ZFP91: variants seen among roughly 807,000 people sequenced by gnomAD.
The protein encoded by ZFP91 is ZFP91 zinc finger protein, atypical E3 ubiquitin ligase.
A neutral mutation model predicts 63.5 loss-of-function variants in ZFP91; 7 were observed. That is an observed-to-expected ratio of 0.11 (90% CI 0.06 to 0.21). The LOEUF (loss-of-function observed/expected upper bound fraction) is 0.21. Ranked by LOEUF, ZFP91 falls within the 10% of genes least tolerant of loss-of-function variation. The pLI, the probability that ZFP91 is intolerant of heterozygous loss-of-function variation, is 1.00. For synonymous variants in ZFP91, 330 were observed against 272.1 expected (o/e 1.21, Z -2.10); for missense variants, 628 against 736.6 (o/e 0.85, Z 1.71).
Position 58,614,350 on chromosome 11 carries a change from T to C in ZFP91, c.1102+7T>C. 6.3e-7 allele frequency: 1 copy of C among 1,592,836 alleles called. No individual in the cohort carries two copies. The highest frequency in any genetic ancestry group is 8.6e-7 in the Non-Finnish European group (1 of 1,166,168). On this transcript the variant is annotated splice_region_variant and intron_variant, in intron 9 of 10. Transcript: ENST00000316059. ...CATGCCAAACATCATACAGGTACTT[T>C]TAAAATGTGTTTATCAAGTAGGTAA...
At chr11:58,610,214 A>C (rs553432964) in intron 3 of ZFP91, 84 bp from the exon 4 acceptor site, 1 of 1,490,070 alleles carries the variant, frequency 6.7e-7, no homozygotes, top group South Asian at 1.2e-5. Context: ...CCATGCAGTA[A>C]TTTGATTTGC....
intron 2 of ZFP91, among the ~76,000 whole-genome samples, chr11:58,590,576 A>C (rs948688208): frequency 3.9e-5 from 6 of 152,224 alleles, no homozygotes; most frequent in African/African-American, 1.4e-4. Context: ...CGAAGTCATA[A>C]AATCAAAATA....
At chr11:58,587,776 G>A (rs937082787) in intron 2 of ZFP91, among the ~76,000 whole-genome samples, 4 of 152,034 alleles carry the variant, frequency 2.6e-5, no homozygotes, top group Non-Finnish European at 5.9e-5. Context: ...ATGTTATGAA[G>A]CCTAATTTTT....
chr11:58,597,394 A>G (rs1017662958), intron 2 of ZFP91, among the ~76,000 whole-genome samples: 1 of 152,144 alleles, frequency 6.6e-6, no homozygotes, highest in Non-Finnish European at 1.5e-5. Context: ...AGTTGCATTA[A>G]AAACTTAGGC....
intron 2 of ZFP91, among the ~76,000 whole-genome samples, chr11:58,603,057 T>A (rs986405913): frequency 7.2e-5 from 11 of 152,180 alleles, no homozygotes; most frequent in African/African-American, 2.4e-4. Flanking sequence ...AAAGGCAGTC[T>A]GATGAGGCCT....
chr11:58,579,773 C>G, intron 1 of ZFP91, 151 bp downstream of exon 1: 2 of 716,750 alleles, frequency 2.8e-6, no homozygotes, highest in Non-Finnish European at 4.2e-6. Flanking sequence ...TCCCCGGGAG[C>G]CTTCGTGCCT....
intron 2 of ZFP91, among the ~76,000 whole-genome samples, chr11:58,585,432 AG>A (rs1855190094): frequency 6.6e-6 from 1 of 152,198 alleles, no homozygotes; most frequent in African/African-American, 2.4e-5. Flanking sequence ...TTTGCAGATT[AG>A]GTTATTAAAA....
rs370355285 is a variant in ZFP91, at chr11:58,618,954, CT to C, written c.*1257del. The C allele has an allele frequency of 6.7e-4, 153 of 229,258 alleles. No individual in the cohort carries two copies. The highest frequency in any genetic ancestry group is 1.6e-3 in the South Asian group (33 of 20,022). 14.2% of individuals were successfully genotyped at this position (229,258 alleles called of 1,614,324 possible). ...GTTTCTTGTGAATTTGTTTCTTTTC[CT>C]TTTTTTTTGTCCCTACCATTTCCTT... On this transcript the variant is annotated 3_prime_UTR_variant, in exon 11 of 11. Coordinates refer to ENST00000316059, the MANE Select transcript of ZFP91 (RefSeq NM_053023.5).
At chr11:58,589,964 C>CAATA (rs1855276924) in intron 2 of ZFP91, among the ~76,000 whole-genome samples, 1 of 152,146 alleles carries the variant, frequency 6.6e-6, no homozygotes, top group Admixed American at 6.5e-5. Flanking sequence ...TTGCCTATTA[C>CAATA]AGCTCAACTT....
At position 58,584,031 on chromosome 11, in the gene ZFP91, T is replaced by A. The variant is rs772123151; in HGVS notation, c.342-825T>A. ...AGTAGTAAGTATAGGAAGTTCATTA[T>A]ACTGTCCTCACCAGTTACGTATGAG... On this transcript the variant is annotated intron_variant, in intron 1 of 10. Transcript: ENST00000316059. Among the ~76,000 whole-genome samples the A allele has an allele frequency of 4.6e-5, 7 of 152,068 alleles. No individual in the cohort carries two copies. In the East Asian group the frequency reaches 5.8e-4, roughly 13 times the overall value.
Position 58,612,925 on chromosome 11 carries a change from T to C in ZFP91, c.987+85T>C. The C allele has an allele frequency of 8.2e-6, 10 of 1,219,808 alleles. No individual in the cohort carries two copies. In the South Asian group the frequency reaches 1.3e-4, roughly 16 times the overall value. The allele number at this position is 1,219,808 out of a possible 1,614,324, so 75.6% of individuals were successfully genotyped here. On this transcript the variant is annotated intron_variant, in intron 8 of 10. Transcript: ENST00000316059. ...CACGAGACTTTAATTTGTTGGCTTGTGTAGGCTTTATCATTGACATGTAAT... is the reference window on the plus strand; with the variant it reads ...CACGAGACTTTAATTTGTTGGCTTGCGTAGGCTTTATCATTGACATGTAAT...
Position 58,594,849 on chromosome 11 carries a change from T to G in ZFP91, c.370+9965T>G, listed in dbSNP as rs566419714. ...TCCGGTTTTTAATCACAATAAAATT[T>G]CTCTAGTTCTGTTTTGAAACATAAG... is the stretch of plus-strand genomic sequence containing the variant. On this transcript the variant is annotated intron_variant, in intron 2 of 10. Coordinates refer to ENST00000316059, the MANE Select transcript of ZFP91 (RefSeq NM_053023.5). Among the ~76,000 whole-genome samples the G allele has an allele frequency of 2.6e-5, 4 of 152,340 alleles. No individual in the cohort carries two copies. The South Asian group carries it at 8.3e-4, about 32-fold the overall frequency.
rs775298121 is a variant in ZFP91 at position 58,616,785 on chromosome 11, G to A, written c.1172G>A (p.Arg391Gln). Residue 391 changes from arginine (R) to glutamine (Q), a missense_variant, in exon 10 of 11, where the codon CGG becomes CAG. Transcript: ENST00000316059. ...FKSSHNLAVH[R>Q]MIHTGEKPLQ... The stretch of plus-strand genomic sequence containing the variant: ...AGTTCCCACAATCTGGCAGTGCACC[G>A]GATGATTCACACTGGCGAGAAGCCA... The A allele has an allele frequency of 5.6e-6, 9 of 1,613,616 alleles. No homozygotes were observed. Among genetic ancestry groups the A allele is most frequent in the Non-Finnish European group, 6.8e-6 (8 of 1,179,808 alleles).
Position 58,579,730 on chromosome 11 carries a change from C to CA in ZFP91, c.341+108_341+109insA, listed in dbSNP as rs1316041227. On this transcript the variant is annotated intron_variant, in intron 1 of 10. Coordinates refer to ENST00000316059, the MANE Select transcript of ZFP91 (RefSeq NM_053023.5). ...CGTGACATCCTGCCTGGTCTGCCCC[C>CA]TGCCGGCTCCGCACGCCAGATGTCA... The CA allele has an allele frequency of 2.7e-6, 3 of 1,101,546 alleles. No individual in the cohort carries two copies. The East Asian group carries it at 9.4e-5, about 35-fold the overall frequency. The allele number at this position is 1,101,546 out of a possible 1,614,324, so 68.2% of individuals were successfully genotyped here.
intron 2 of ZFP91, among the ~76,000 whole-genome samples, chr11:58,587,858 T>C (rs1034028452): frequency 1.3e-5 from 2 of 152,122 alleles, no homozygotes; most frequent in African/African-American, 4.8e-5. Flanking sequence ...AACATAAAAA[T>C]GGAGACCAGA....
At chr11:58,593,385 C>G (rs567720061) in intron 2 of ZFP91, among the ~76,000 whole-genome samples, 230 of 152,274 alleles carry the variant, frequency 1.5e-3, no homozygotes, top group African/African-American at 4.7e-3. Context: ...TCTGCTCTTT[C>G]CTTTTCTTAA....
chr11:58,594,720 A>G (rs1471662389), intron 2 of ZFP91, among the ~76,000 whole-genome samples: 1 of 152,232 alleles, frequency 6.6e-6, no homozygotes, highest in Non-Finnish European at 1.5e-5. Flanking sequence ...TAAGAAAGAA[A>G]AATCTAGGCA....
chr11:58,612,193 G>T, intron 6 of ZFP91, 85 bp from the exon 7 acceptor site: 2 of 1,232,844 alleles, frequency 1.6e-6, no homozygotes, highest in East Asian at 2.5e-5. Flanking sequence ...CTTTGGCCGT[G>T]TGTGTGTGTG....
chr11:58,582,215 T>C (rs371273812), intron 1 of ZFP91, among the ~76,000 whole-genome samples: 4 of 152,312 alleles, frequency 2.6e-5, no homozygotes, highest in African/African-American at 7.2e-5. Context: ...AGTGGAGATA[T>C]GTCAAATGTG....
Sources: gnomAD v4.1 joint callset for allele counts (sites outside exome capture counted in the v4.1 genomes callset) on GRCh38, gnomAD v4.1.1 for gene constraint, MANE v1.5 for transcripts, NCBI Gene and HGNC (gene_info 2026-07-23, HGNC 2026-07-21) for gene names.